RYR2: variants seen among roughly 807,000 people sequenced by gnomAD.
RYR2 encodes ryanodine receptor 2, also known as cardiac muscle ryanodine receptor-calcium release channel.
Under a neutral mutation model 601.1 loss-of-function variants are expected in RYR2, and 227 were observed. That is an observed-to-expected ratio of 0.38 (90% confidence interval 0.34 to 0.42). The LOEUF is 0.42. Ranked by LOEUF, RYR2 falls within the 10% of genes least tolerant of loss-of-function variation. The pLI is 1.00. For synonymous variants in RYR2, 2,223 were observed against 2,175.1 expected (o/e 1.02, Z -0.61); for missense variants, 4,646 against 6,156.5 (o/e 0.75, Z 8.21).
intron 1 of RYR2, among the ~76,000 whole-genome samples, chr1:237,043,021 C>T (rs903195230): frequency 1.3e-5 from 2 of 152,146 alleles, no homozygotes; most frequent in Admixed American, 6.5e-5. Flanking sequence ...ATACCGCCGC[C>T]GGGAGGTTTC....
At chr1:237,092,923 C>T (rs772889335) in intron 1 of RYR2, among the ~76,000 whole-genome samples, 3 of 152,156 alleles carry the variant, frequency 2.0e-5, no homozygotes, top group African/African-American at 4.8e-5. Flanking sequence ...ATTGCCTTCT[C>T]CCTCCACATG....
chr1:237,275,710 A>G (rs1248749593), intron 2 of RYR2, among the ~76,000 whole-genome samples: 1 of 152,228 alleles, frequency 6.6e-6, no homozygotes, highest in African/African-American at 2.4e-5. Context: ...GAGATATGTC[A>G]AAATCTGAAC....
chr1:237,151,477 G>T (rs971352456), intron 1 of RYR2, among the ~76,000 whole-genome samples: 2 of 152,126 alleles, frequency 1.3e-5, no homozygotes, highest in Admixed American at 6.5e-5. Context: ...GATGTTTCTT[G>T]CTGTAAAGAA....
At chr1:237,264,770 A>G (rs1688883507) in intron 1 of RYR2, among the ~76,000 whole-genome samples, 1 of 150,928 alleles carries the variant, frequency 6.6e-6, no homozygotes, top group African/African-American at 2.4e-5. Flanking sequence ...ATCTCGGCTC[A>G]CTGCAACCTC....
chr1:237,611,295 A>C (rs1317726530), intron 36 of RYR2, among the ~76,000 whole-genome samples: 1 of 152,202 alleles, frequency 6.6e-6, no homozygotes, highest in Non-Finnish European at 1.5e-5. Flanking sequence ...GTGCAACTGC[A>C]ATCCGACTTA....
intron 59 of RYR2, 143 bp from the exon 60 acceptor site, chr1:237,674,588 T>C (rs1685231755): frequency 2.2e-6 from 1 of 446,394 alleles, no homozygotes; most frequent in Non-Finnish European, 4.0e-6. Context: ...TGAGCTACAA[T>C]AACATTAGAA....
At position 237,050,807 on chromosome 1, in the gene RYR2, C is replaced by T. The variant is rs1661165137; in HGVS notation, c.48+8238C>T. On this transcript the variant is annotated intron_variant, in intron 1 of 104. Transcript: ENST00000366574. ...TGTTAAAATGAAGCCGAACAGCACA[C>T]TGAGGTGATAGCCACTAGAAGTTGT... Among the ~76,000 whole-genome samples the T allele has an allele frequency of 3.9e-5, 6 of 152,382 alleles. 1 individual carries two copies. The South Asian group carries it at 1.2e-3, about 32-fold the overall frequency.
chr1:237,628,129 T>C (rs777925522), intron 41 of RYR2, 49 bp downstream of exon 41: 10 of 1,588,886 alleles, frequency 6.3e-6, no homozygotes, highest in Non-Finnish European at 6.9e-6. Context: ...TGTTTTCTAA[T>C]TGTTATACCT....
At chr1:237,230,656 C>T (rs1241520903) in intron 1 of RYR2, among the ~76,000 whole-genome samples, 1 of 152,088 alleles carries the variant, frequency 6.6e-6, no homozygotes, top group African/African-American at 2.4e-5. Flanking sequence ...TTGCGGCTCA[C>T]GCCTGTAATC....
chr1:237,454,252 T>C (rs2150215889), intron 14 of RYR2, 139 bp from the exon 15 acceptor site: 5 of 798,792 alleles, frequency 6.3e-6, no homozygotes, highest in Non-Finnish European at 9.5e-6. Context: ...TCACTGCTTT[T>C]GGAGCAGGAG....
chr1:237,228,076 C>T (rs531343080), intron 1 of RYR2, among the ~76,000 whole-genome samples: 2 of 151,902 alleles, frequency 1.3e-5, no homozygotes, highest in Admixed American at 6.6e-5. Flanking sequence ...ACCCATCACC[C>T]GAGCAACATA....
At chr1:237,771,174 G>A (rs1472091450) in intron 85 of RYR2, among the ~76,000 whole-genome samples, 5 of 152,076 alleles carry the variant, frequency 3.3e-5, no homozygotes, top group South Asian at 2.1e-4. Flanking sequence ...TTGGGAGGCC[G>A]AGGTGGGAGG....
intron 13 of RYR2, 52 bp from the exon 14 acceptor site, chr1:237,445,349 A>G: frequency 2.5e-6 from 4 of 1,607,472 alleles, no homozygotes; most frequent in Non-Finnish European, 2.6e-6. Context: ...CCCTAACTCT[A>G]GTTTGGAAAA....
intron 1 of RYR2, among the ~76,000 whole-genome samples, chr1:237,109,721 C>A (rs1247055588): frequency 4.5e-5 from 3 of 66,752 alleles, no homozygotes; most frequent in African/African-American, 9.4e-5. Flanking sequence ...GACTCCGTCT[C>A]AAAAAAAAAA....
intron 8 of RYR2, among the ~76,000 whole-genome samples, chr1:237,377,966 T>G (rs1404410895): frequency 1.3e-5 from 2 of 152,176 alleles, no homozygotes; most frequent in African/African-American, 4.8e-5. Flanking sequence ...AAGAAGTTTG[T>G]GTTTAATCAT....
At chr1:237,778,117 G>C (rs1017209112) in intron 87 of RYR2, among the ~76,000 whole-genome samples, 15 of 152,262 alleles carry the variant, frequency 9.9e-5, no homozygotes, top group Admixed American at 5.2e-4. Flanking sequence ...CTGGATTCGT[G>C]AAATTAATAA....
chr1:237,743,944 C>T (rs1691839169), intron 80 of RYR2, among the ~76,000 whole-genome samples: 1 of 152,156 alleles, frequency 6.6e-6, no homozygotes, highest in Non-Finnish European at 1.5e-5. Flanking sequence ...ATTTTCGGTG[C>T]AATGTTCTGA....
In RYR2 at chr1:237,770,813, A is replaced by G; in HGVS notation, c.11483A>G (p.Lys3828Arg). Residue 3828 changes from lysine to arginine, a missense_variant, in exon 85 of 105, where the codon AAG becomes AGG. Around this residue, in one of 17 missense-constraint regions of RYR2, gnomAD observed 1,497 missense variants for 1,842.6 expected, o/e 0.81. Coordinates refer to ENST00000366574, the MANE Select transcript of RYR2 (RefSeq NM_001035.3). Reference protein sequence around the residue: ...GMVTEEGSGEKVLQDDEFTCD... With the variant: ...GMVTEEGSGERVLQDDEFTCD... ...CCCTCTGGATTTCCCACAGGAGAAA[A>G]GGTTCTGCAGGACGATGAGTTCACC... 1.3e-6 allele frequency: 2 copies of G among 1,550,896 alleles called. No individual in the cohort carries two copies. The highest frequency in any genetic ancestry group is 1.7e-6 in the Non-Finnish European group (2 of 1,145,388).
At chr1:237,099,818 C>T (rs115557782) in intron 1 of RYR2, among the ~76,000 whole-genome samples, 2 of 146,408 alleles carry the variant, frequency 1.4e-5, no homozygotes, top group Non-Finnish European at 3.0e-5. Flanking sequence ...TTTAATCTTT[C>T]CCCAAATATT....
Sources: allele counts gnomAD v4.1 joint callset (sites outside exome capture counted in the v4.1 genomes callset), GRCh38; gene constraint gnomAD v4.1.1; regional missense constraint gnomAD v4.1.1; transcripts MANE v1.5; gene names NCBI Gene and HGNC (gene_info 2026-07-23, HGNC 2026-07-21).